The following SOX5 variants were observed in gnomAD, a reference collection of about 807,000 sequenced individuals.
SOX5 encodes the protein transcription factor SOX-5.
SOX5 carries 9 observed loss-of-function variants against 92.0 expected under a neutral mutation model. That is an observed-to-expected ratio of 0.10 (90% CI 0.06 to 0.17). SOX5 has a LOEUF of 0.17. SOX5 is among the 10% of genes least tolerant of loss of function. SOX5 has a pLI of 1.00. For synonymous variants in SOX5, 344 were observed against 336.3 expected (o/e 1.02, Z -0.25); for missense variants, 642 against 944.5 (o/e 0.68, Z 4.20).
chr12:23,794,834 A>G (rs1044463446), intron 3 of SOX5, among the ~76,000 whole-genome samples: 6 of 152,168 alleles, frequency 3.9e-5, no homozygotes, highest in African/African-American at 1.2e-4. Context: ...GCATTAAAAT[A>G]GTATCATTTC....
chr12:23,679,418 T>C (rs1346926720), intron 6 of SOX5, among the ~76,000 whole-genome samples: 1 of 152,146 alleles, frequency 6.6e-6, no homozygotes, highest in Non-Finnish European at 1.5e-5. Flanking sequence ...GATGATTCTT[T>C]GACAAATATT....
chr12:23,798,938 T>C (rs936592116), intron 3 of SOX5, among the ~76,000 whole-genome samples: 1 of 152,022 alleles, frequency 6.6e-6, no homozygotes, highest in Non-Finnish European at 1.5e-5. Context: ...TGGTACTGTT[T>C]AGCCAAAATA....
At chr12:23,710,258 T>C (rs1208951703) in intron 6 of SOX5, among the ~76,000 whole-genome samples, 1 of 152,192 alleles carries the variant, frequency 6.6e-6, no homozygotes, top group Non-Finnish European at 1.5e-5. Context: ...TTTTTTATTA[T>C]ACTTTAAGTT....
chr12:24,015,714 G>T (rs1953514948), intron 4 of SOX5, among the ~76,000 whole-genome samples: 1 of 152,112 alleles, frequency 6.6e-6, no homozygotes, highest in Non-Finnish European at 1.5e-5. Context: ...CATTATTACT[G>T]TTCTTAATCA....
chr12:24,308,025 G>GAA (rs549021950), intron 2 of SOX5, among the ~76,000 whole-genome samples: 44 of 145,846 alleles, frequency 3.0e-4, no homozygotes, highest in Admixed American at 5.5e-4. Context: ...TCTCCCAGTA[G>GAA]AAAAAAAAAA....
chr12:24,473,383 G>T (rs1202656673), intron 1 of SOX5, among the ~76,000 whole-genome samples: 6 of 152,214 alleles, frequency 3.9e-5, no homozygotes, highest in Non-Finnish European at 8.8e-5. Context: ...TGGGCAAGTG[G>T]CTCACGGGAG....
At chr12:23,589,208 A>G (rs996746362) in intron 9 of SOX5, among the ~76,000 whole-genome samples, 1 of 151,916 alleles carries the variant, frequency 6.6e-6, no homozygotes, top group Non-Finnish European at 1.5e-5. Flanking sequence ...TGCATAAAAG[A>G]GAAGCAGAGA....
intron 1 of SOX5, among the ~76,000 whole-genome samples, chr12:24,458,329 A>G (rs1488636954): frequency 1.3e-5 from 2 of 151,922 alleles, no homozygotes; most frequent in Non-Finnish European, 2.9e-5. Flanking sequence ...TTCTCTAAAA[A>G]CTCCAGAATG....
At chr12:23,742,951 T>TA (rs11291376) in intron 4 of SOX5, among the ~76,000 whole-genome samples, 17 of 149,118 alleles carry the variant, frequency 1.1e-4, no homozygotes, top group Admixed American at 2.7e-4. Flanking sequence ...ATACACTGCC[T>TA]AAAAAAAAAA....
At chr12:23,539,723 A>ATAGTT (rs1344840030) in intron 13 of SOX5, among the ~76,000 whole-genome samples, 1 of 152,234 alleles carries the variant, frequency 6.6e-6, no homozygotes, top group African/African-American at 2.4e-5. Context: ...GAATTATAAA[A>ATAGTT]TAGTTTAACT....
chr12:23,888,532 T>C (rs1331679026), intron 2 of SOX5, among the ~76,000 whole-genome samples: 1 of 152,182 alleles, frequency 6.6e-6, no homozygotes, highest in Non-Finnish European at 1.5e-5. Context: ...GTTTTCTCAG[T>C]TTAACATTTG....
upstream of SOX5, chr12:23,950,754 C>T (rs1945485306): frequency 1.1e-6 from 1 of 925,038 alleles, no homozygotes. Flanking sequence ...GGCACAGCCT[C>T]CATAGCAGTT....
At chr12:24,294,326 G>C (rs1946956318) in intron 2 of SOX5, among the ~76,000 whole-genome samples, 1 of 151,818 alleles carries the variant, frequency 6.6e-6, no homozygotes, top group Non-Finnish European at 1.5e-5. Flanking sequence ...CAAGGAAATG[G>C]CACCAGGAAA....
intron 1 of SOX5, among the ~76,000 whole-genome samples, chr12:24,551,059 C>G (rs1374997982): frequency 6.6e-6 from 1 of 152,194 alleles, no homozygotes; most frequent in African/African-American, 2.4e-5. Context: ...CCTCAAGATT[C>G]CAATAACCAG....
At chr12:24,298,362 C>G (rs932624067) in intron 2 of SOX5, among the ~76,000 whole-genome samples, 5 of 152,184 alleles carry the variant, frequency 3.3e-5, no homozygotes, top group African/African-American at 1.2e-4. Context: ...AGCCACCATG[C>G]CCAGCCAACA....
chr12:23,991,502 C>T (rs1246407990), intron 4 of SOX5, among the ~76,000 whole-genome samples: 1 of 151,666 alleles, frequency 6.6e-6, no homozygotes, highest in African/African-American at 2.4e-5. Context: ...AAATGAATTA[C>T]CAAAAATTTT....
At chr12:23,640,734 T>G in intron 8 of SOX5, 78 bp downstream of exon 8, 1 of 981,772 alleles carries the variant, frequency 1.0e-6, no homozygotes. Flanking sequence ...GAGTCAGTTT[T>G]ATTTTGCTTT....
At chr12:24,505,087 T>C (rs1948591705) in intron 1 of SOX5, among the ~76,000 whole-genome samples, 1 of 152,262 alleles carries the variant, frequency 6.6e-6, no homozygotes, top group African/African-American at 2.4e-5. Context: ...GTTTAAGATC[T>C]GACCATGTTA....
At chr12:24,450,225 A>G (rs552456550) in intron 1 of SOX5, among the ~76,000 whole-genome samples, 94 of 152,312 alleles carry the variant, frequency 6.2e-4, no homozygotes, top group Non-Finnish European at 1.1e-3. Context: ...CACAATGCAC[A>G]ATGTGGAAGC....
Sources: allele counts gnomAD v4.1 joint callset (sites outside exome capture counted in the v4.1 genomes callset), GRCh38; gene constraint gnomAD v4.1.1; transcripts MANE v1.5; gene names NCBI Gene and HGNC (gene_info 2026-07-23, HGNC 2026-07-21).